The following OTOA variants were observed in gnomAD, a reference collection of about 807,000 sequenced individuals.
The protein encoded by OTOA is otoancorin.
OTOA carries 70 observed loss-of-function variants against 110.8 expected under a neutral mutation model. That is an observed-to-expected ratio of 0.63 (90% confidence interval 0.52 to 0.77). OTOA has a LOEUF of 0.77. Ranked by LOEUF, OTOA falls within the 30% of genes least tolerant of loss-of-function variation. The pLI, the probability that OTOA is intolerant of heterozygous loss-of-function variation, is 0.00. For synonymous variants in OTOA, 373 were observed against 431.5 expected, an observed-to-expected ratio of 0.86 and a Z score of 1.68; for missense variants, 917 against 1,075.8, an observed-to-expected ratio of 0.85 and a Z score of 2.06.
chr16:21,705,393 C>T (rs1898142663), intron 12 of OTOA, 101 bp downstream of exon 12: 5 of 1,573,678 alleles, frequency 3.2e-6, no homozygotes, highest in Non-Finnish European at 4.3e-6. Context: ...AAACACACAG[C>T]ATTAGTCGGG....
chr16:21,717,180 A>G, intron 15 of OTOA, 133 bp downstream of exon 15: 1 of 1,325,922 alleles, frequency 7.5e-7, no homozygotes, highest in Non-Finnish European at 1.1e-6. Flanking sequence ...AGAATAGTAT[A>G]GTGTTAAGAA....
At chr16:21,689,447 G>A (rs1897785128) in intron 8 of OTOA, among the ~76,000 whole-genome samples, 1 of 152,102 alleles carries the variant, frequency 6.6e-6, no homozygotes, top group Non-Finnish European at 1.5e-5. Flanking sequence ...AACATCATTG[G>A]GAGAGAGAGT....
chr16:21,674,889 T>A (rs894621926), intron 1 of OTOA, among the ~76,000 whole-genome samples: 4 of 134,866 alleles, frequency 3.0e-5, no homozygotes, highest in Admixed American at 7.5e-5. Flanking sequence ...GGATTTTTTT[T>A]AAAAATCTTT....
rs952689762 is a variant in OTOA, at chr16:21,664,064, C to T, written c.-173C>T. The T allele has an allele frequency of 4.6e-5, 7 of 152,180 alleles. No homozygotes were observed. The highest frequency in any genetic ancestry group is 1.0e-4 in the Non-Finnish European group (7 of 68,042). The allele number at this position is 152,180 out of a possible 1,614,324, so 9.4% of individuals were successfully genotyped here. A position where few individuals can be genotyped will look rare whatever the true frequency, so the allele number is the denominator to read the frequency against. On this transcript the variant is annotated 5_prime_UTR_variant, in exon 1 of 29. Transcript: ENST00000646100. ...GCGGGGACTGTGACCCCCGCCGCTGCCCTGGCTGAGTTCCCACCTGGGCCG... is the reference window on the plus strand; with the variant it reads ...GCGGGGACTGTGACCCCCGCCGCTGTCCTGGCTGAGTTCCCACCTGGGCCG...
In OTOA at chr16:21,758,276, A is replaced by T. The variant is rs541875045; in HGVS notation, c.3349+999A>T. 2.0e-5 allele frequency among the ~76,000 whole-genome samples: 3 copies of T among 151,738 alleles called. No individual in the cohort carries two copies. The East Asian group carries it at 5.8e-4, about 29-fold the overall frequency. On this transcript the variant is annotated intron_variant, in intron 28 of 28. Transcript: ENST00000646100. The stretch of plus-strand genomic sequence containing the variant: ...CTCTGGGGAGATAGCTTCTAACAAG[A>T]TGGGGAACAGAGATGTTCCCTGCCC...
intron 9 of OTOA, among the ~76,000 whole-genome samples, chr16:21,696,550 A>C (rs1897944478): frequency 6.6e-6 from 1 of 152,002 alleles, no homozygotes; most frequent in Admixed American, 6.6e-5. Flanking sequence ...AGTCAAACAT[A>C]TTTCATGTTG....
intron 1 of OTOA, among the ~76,000 whole-genome samples, chr16:21,678,025 T>C (rs1340279913): frequency 3.9e-5 from 6 of 152,088 alleles, no homozygotes; most frequent in Admixed American, 3.9e-4. Context: ...TAGCTGGGAC[T>C]ACAGACATGC....
At chr16:21,759,149 A>G in intron 28 of OTOA, among the ~76,000 whole-genome samples, 1 of 152,166 alleles carries the variant, frequency 6.6e-6, no homozygotes, top group Non-Finnish European at 1.5e-5. Context: ...TAAAGTCTGC[A>G]AGGCATGTGG....
In OTOA at chr16:21,715,146, C is replaced by T; in HGVS notation, c.1482C>T (p.Leu494=). 1 of 1,614,172 alleles carries T rather than the reference C, an allele frequency of 6.2e-7. No individual in the cohort carries two copies. The highest frequency in any genetic ancestry group is 1.1e-5 in the South Asian group (1 of 91,084). The change falls in exon 14 of 29, where the codon CTC becomes CTT. Residue 494 remains leucine, a synonymous_variant. Coordinates refer to ENST00000646100, the MANE Select transcript of OTOA (RefSeq NM_144672.4). ...DLSPAQQQGI[L]SKMVQAEDTA... Reference sequence around the variant, plus strand: ...CACCTGCCCAGCAGCAAGGTATCCTCAGCAAGGTGAGAGGAAGATGTCTGG... The same window carrying T: ...CACCTGCCCAGCAGCAAGGTATCCTTAGCAAGGTGAGAGGAAGATGTCTGG...
At chr16:21,695,358 C>A (rs1410573185) in intron 9 of OTOA, among the ~76,000 whole-genome samples, 1 of 151,338 alleles carries the variant, frequency 6.6e-6, no homozygotes, top group African/African-American at 2.4e-5. Flanking sequence ...TGCACTCCAG[C>A]CTGGACAACA....
chr16:21,760,255 T>C (rs1461316747), intron 28 of OTOA, among the ~76,000 whole-genome samples: 1 of 151,804 alleles, frequency 6.6e-6, no homozygotes, highest in Non-Finnish European at 1.5e-5. Context: ...TCTAACAAGC[T>C]CCCTAGTACA....
chr16:21,685,377 C>A lies in OTOA; in HGVS notation c.399+16C>A, dbSNP rs769907669. ...GGACGGCTTGGTGAGGAGCCCTTGG[C>A]ATCCCGGGGATAGAGGAAGTCCAGC... On this transcript the variant is annotated intron_variant, in intron 7 of 28. Coordinates refer to ENST00000646100, the MANE Select transcript of OTOA (RefSeq NM_144672.4). 2.0e-5 allele frequency: 32 copies of A among 1,608,500 alleles called. No individual in the cohort carries two copies. The highest frequency in any genetic ancestry group is 2.5e-5 in the Non-Finnish European group (30 of 1,176,772).
intron 18 of OTOA, among the ~76,000 whole-genome samples, chr16:21,726,297 C>A (rs1418038484): frequency 6.6e-6 from 1 of 151,604 alleles, no homozygotes; most frequent in Non-Finnish European, 1.5e-5. Flanking sequence ...AGTTTGTTGC[C>A]CATTCATGGA....
chr16:21,734,844 A>G (rs866073839), intron 21 of OTOA, among the ~76,000 whole-genome samples: 4,884 of 151,274 alleles, frequency 0.032, 273 homozygotes, highest in African/African-American at 0.11. Flanking sequence ...TAAACAAACA[A>G]ACAAACAAAC....
chr16:21,728,274 A>C lies in OTOA; in HGVS notation c.2050A>C (p.Ile684Leu). 11 of 1,614,170 alleles carry C rather than the reference A, an allele frequency of 6.8e-6. No homozygotes were observed. Among genetic ancestry groups the C allele is most frequent in the Non-Finnish European group, 9.3e-6 (11 of 1,180,004 alleles). ...CATTGCTGATGAGTACACTGTGGAC[A>C]TCATGGGGAACCTGCTGTGTCACTT... ...DSIADEYTVD[I>L]MGNLLCHLPA... The change falls in exon 20 of 29, where the codon ATC becomes CTC. Residue 684 changes from isoleucine to leucine, a missense_variant. By Grantham distance (5) the Ile-to-Leu change is conservative. Transcript: ENST00000646100.
chr16:21,666,347 T>C (rs1362452299), intron 1 of OTOA, among the ~76,000 whole-genome samples: 2 of 150,548 alleles, frequency 1.3e-5, no homozygotes, highest in Non-Finnish European at 2.9e-5. Flanking sequence ...TTGCAGACAG[T>C]GAAACTCCAT....
In OTOA at chr16:21,685,233, G is replaced by A; in HGVS notation, c.271G>A (p.Ala91Thr). The A allele has an allele frequency of 6.2e-7, 1 of 1,611,964 alleles. No individual in the cohort carries two copies. Among genetic ancestry groups the A allele is most frequent in the Non-Finnish European group, 8.5e-7 (1 of 1,178,708 alleles). Reference protein sequence around the residue: ...VAFTIPSLQAAVENHLEQRLH... With the variant: ...VAFTIPSLQATVENHLEQRLH... ...TCTCCCAACACCCCAAATACAGGCA[G>A]CCGTGGAAAACCACCTGGAGCAGCG... The change falls in exon 7 of 29, where the codon GCC becomes ACC. Residue 91 changes from alanine to threonine, a missense_variant. Transcript: ENST00000646100.
intron 6 of OTOA, 97 bp downstream of exon 6, chr16:21,681,922 G>A: frequency 8.9e-7 from 1 of 1,117,794 alleles, no homozygotes. Context: ...TGGATGTAGA[G>A]ATAGTCTTTG....
intron 18 of OTOA, among the ~76,000 whole-genome samples, chr16:21,723,398 CTTT>C (rs906633542): frequency 6.6e-6 from 1 of 151,614 alleles, no homozygotes; most frequent in Non-Finnish European, 1.5e-5. Flanking sequence ...TTCTCTCCTT[CTTT>C]ATTTCCCTCT....
Sources: allele counts gnomAD v4.1 joint callset (sites outside exome capture counted in the v4.1 genomes callset), GRCh38; gene constraint gnomAD v4.1.1; transcripts MANE v1.5; gene names NCBI Gene and HGNC (gene_info 2026-07-23, HGNC 2026-07-21).